The following CSMD1 variants were observed in gnomAD, a reference collection of about 807,000 sequenced individuals.
CSMD1 encodes the protein CUB and sushi domain-containing protein 1.
CSMD1 carries 213 observed loss-of-function variants against 417.5 expected under a neutral mutation model. That is an observed-to-expected ratio of 0.51 (90% CI 0.46 to 0.57). The LOEUF (loss-of-function observed/expected upper bound fraction) is 0.57, where lower values mean the gene tolerates loss of function less well. CSMD1 is among the 20% of genes least tolerant of loss of function. The pLI is 0.00. For missense variants in CSMD1, 6,923 were observed against 4,529.7 expected, an observed-to-expected ratio of 1.53 and a Z score of -15.17; for synonymous variants, 2,862 against 1,736.8, an observed-to-expected ratio of 1.65 and a Z score of -16.11.
intron 54 of CSMD1, among the ~76,000 whole-genome samples, chr8:2,980,896 G>T (rs549108408): frequency 6.6e-6 from 1 of 152,268 alleles, no homozygotes; most frequent in South Asian, 2.1e-4. Context: ...ATTTTGAGCA[G>T]TAAAAAATGT....
intron 2 of CSMD1, among the ~76,000 whole-genome samples, chr8:4,426,156 T>C (rs1247125754): frequency 6.6e-6 from 1 of 151,704 alleles, no homozygotes; most frequent in African/African-American, 2.4e-5. Flanking sequence ...AGACAGCATA[T>C]ACAGAGGCTA....
chr8:3,648,521 T>C (rs977293982), intron 7 of CSMD1, among the ~76,000 whole-genome samples: 6 of 152,208 alleles, frequency 3.9e-5, no homozygotes, highest in South Asian at 4.1e-4. Flanking sequence ...TGTTGAAAAG[T>C]TGTTGTACGA....
chr8:4,413,593 T>A (rs1796766821), intron 3 of CSMD1, among the ~76,000 whole-genome samples: 1 of 149,678 alleles, frequency 6.7e-6, no homozygotes, highest in Non-Finnish European at 1.5e-5. Context: ...ACGCTTATTA[T>A]GAGATCTACC....
At chr8:3,850,384 C>G (rs912913568) in intron 5 of CSMD1, among the ~76,000 whole-genome samples, 5 of 152,172 alleles carry the variant, frequency 3.3e-5, no homozygotes, top group Admixed American at 6.5e-5. Context: ...AGCACTGACA[C>G]TGAATTCAAC....
chr8:3,789,974 G>A (rs560154457), intron 5 of CSMD1, among the ~76,000 whole-genome samples: 30 of 152,054 alleles, frequency 2.0e-4, no homozygotes, highest in Non-Finnish European at 3.8e-4. Flanking sequence ...CTTGTGATCC[G>A]CCCACCTCGG....
At chr8:4,514,935 C>A (rs1275367098) in intron 2 of CSMD1, among the ~76,000 whole-genome samples, 1 of 152,164 alleles carries the variant, frequency 6.6e-6, no homozygotes, top group East Asian at 1.9e-4. Flanking sequence ...CAGACTCATT[C>A]ATTACATATC....
intron 3 of CSMD1, among the ~76,000 whole-genome samples, chr8:4,245,042 T>A (rs1453272940): frequency 6.6e-6 from 1 of 152,148 alleles, no homozygotes; most frequent in Non-Finnish European, 1.5e-5. Flanking sequence ...AAACCACCAT[T>A]CATTAGAAAA....
chr8:3,617,989 C>T (rs1802227640), intron 7 of CSMD1, among the ~76,000 whole-genome samples: 1 of 152,152 alleles, frequency 6.6e-6, no homozygotes, highest in African/African-American at 2.4e-5. Flanking sequence ...CAACAGTAAT[C>T]ATATCAAGTT....
intron 2 of CSMD1, among the ~76,000 whole-genome samples, chr8:4,511,634 T>C (rs1157346634): frequency 6.6e-6 from 1 of 152,066 alleles, no homozygotes; most frequent in Non-Finnish European, 1.5e-5. Flanking sequence ...CAGAAAGTGA[T>C]GGTACCAGGG....
intron 3 of CSMD1, among the ~76,000 whole-genome samples, chr8:4,347,687 T>G (rs948605666): frequency 6.6e-5 from 10 of 152,184 alleles, no homozygotes; most frequent in Non-Finnish European, 1.5e-4. Context: ...TGACTCCTAT[T>G]ACTACAAACA....
At chr8:4,557,429 G>T (rs977092936) in intron 2 of CSMD1, among the ~76,000 whole-genome samples, 20 of 146,032 alleles carry the variant, frequency 1.4e-4, no homozygotes, top group Non-Finnish European at 1.7e-4. Context: ...AATCTGCGAG[G>T]TTTTTTTTTT....
intron 1 of CSMD1, among the ~76,000 whole-genome samples, chr8:4,887,714 G>C (rs536591318): frequency 1.1e-4 from 17 of 151,678 alleles, no homozygotes; most frequent in Non-Finnish European, 2.4e-4. Context: ...TTTGTTGGTA[G>C]GTGCATATAT....
At chr8:4,485,673 C>T (rs1391756292) in intron 2 of CSMD1, among the ~76,000 whole-genome samples, 1 of 151,920 alleles carries the variant, frequency 6.6e-6, no homozygotes, top group Non-Finnish European at 1.5e-5. Flanking sequence ...ATGAGGCTGA[C>T]CAAAATCAAG....
chr8:4,868,623 T>G (rs1802553701), intron 1 of CSMD1, among the ~76,000 whole-genome samples: 1 of 152,132 alleles, frequency 6.6e-6, no homozygotes, highest in Non-Finnish European at 1.5e-5. Context: ...AAGTGTTCAA[T>G]CATCTACTTA....
At chr8:3,985,085 G>A (rs965584274) in intron 5 of CSMD1, among the ~76,000 whole-genome samples, 4 of 151,958 alleles carry the variant, frequency 2.6e-5, no homozygotes, top group Non-Finnish European at 4.4e-5. Flanking sequence ...TGGCTTTTAT[G>A]TTACTTAGGG....
intron 3 of CSMD1, among the ~76,000 whole-genome samples, chr8:4,260,953 C>T (rs1374682950): frequency 2.6e-5 from 4 of 152,262 alleles, no homozygotes; most frequent in South Asian, 4.1e-4. Flanking sequence ...TTCTACTCTA[C>T]CTTTACTCTC....
chr8:4,364,873 G>C (rs1454154571), intron 3 of CSMD1, among the ~76,000 whole-genome samples: 2 of 115,678 alleles, frequency 1.7e-5, no homozygotes, highest in Non-Finnish European at 4.1e-5. Context: ...AAAAAAAAAA[G>C]ATAATCAATA....
At chr8:4,190,461 C>T (rs1391962287) in intron 3 of CSMD1, among the ~76,000 whole-genome samples, 1 of 151,598 alleles carries the variant, frequency 6.6e-6, no homozygotes, top group Non-Finnish European at 1.5e-5. Context: ...CAGAGCCTAA[C>T]ACTATTAGAG....
intron 5 of CSMD1, among the ~76,000 whole-genome samples, chr8:3,872,657 T>A (rs1190446965): frequency 6.6e-6 from 1 of 152,286 alleles, no homozygotes; most frequent in African/African-American, 2.4e-5. Flanking sequence ...TTAATGAGTT[T>A]ATTTCCTGAG....
Sources: allele counts gnomAD v4.1 joint callset (sites outside exome capture counted in the v4.1 genomes callset), GRCh38; gene constraint gnomAD v4.1.1; transcripts MANE v1.5; gene names NCBI Gene and HGNC (gene_info 2026-07-23, HGNC 2026-07-21).